The following WWOX variants were observed in gnomAD, a reference collection of about 807,000 sequenced individuals.
WWOX encodes WW domain containing oxidoreductase.
A neutral mutation model predicts 46.2 loss-of-function variants in WWOX; 69 were observed. The ratio of observed to expected loss-of-function variants is 1.49; its 90% CI spans 1.23 to 1.82. The LOEUF (loss-of-function observed/expected upper bound fraction) is 1.82, where lower values mean the gene tolerates loss of function less well. Among genes scored for constraint, WWOX ranks in the 40% most tolerant of loss-of-function variants. WWOX has a pLI of 0.00. For missense variants in WWOX, 919 were observed against 542.6 expected (o/e 1.69, Z -6.89); for synonymous variants, 359 against 202.6 (o/e 1.77, Z -6.56).
chr16:78,852,769 G>A (rs1470133347), intron 8 of WWOX, among the ~76,000 whole-genome samples: 2 of 152,206 alleles, frequency 1.3e-5, no homozygotes, highest in Non-Finnish European at 2.9e-5. Context: ...AATTAAAATG[G>A]AAGAAAATGT....
chr16:79,166,220 G>A (rs770564711), intron 8 of WWOX, among the ~76,000 whole-genome samples: 1 of 152,118 alleles, frequency 6.6e-6, no homozygotes, highest in Non-Finnish European at 1.5e-5. Context: ...ACTTCTGGAG[G>A]CAGAGCACTG....
At chr16:78,563,531 TTC>T (rs1567647029) in intron 8 of WWOX, among the ~76,000 whole-genome samples, 1 of 150,460 alleles carries the variant, frequency 6.6e-6, no homozygotes, top group Non-Finnish European at 1.5e-5. Context: ...TTTTTTTTTT[TTC>T]TTTTTTTTTT....
At chr16:79,166,038 G>T (rs777868018) in intron 8 of WWOX, among the ~76,000 whole-genome samples, 7 of 152,208 alleles carry the variant, frequency 4.6e-5, no homozygotes, top group Non-Finnish European at 8.8e-5. Context: ...CAGGTACAGT[G>T]ATCTCCTTTA....
chr16:78,586,157 G>C (rs2045201950), intron 8 of WWOX, among the ~76,000 whole-genome samples: 1 of 152,102 alleles, frequency 6.6e-6, no homozygotes, highest in South Asian at 2.1e-4. Flanking sequence ...CGGAGTTCAA[G>C]ACTAGCCTGG....
chr16:78,502,970 G>A (rs867241667), intron 8 of WWOX, among the ~76,000 whole-genome samples: 2 of 152,212 alleles, frequency 1.3e-5, no homozygotes, highest in African/African-American at 2.4e-5. Context: ...GGAAGGTGCT[G>A]CGATCTTTGA....
At chr16:78,619,190 T>A (rs1187394295) in intron 8 of WWOX, among the ~76,000 whole-genome samples, 1,005 of 27,508 alleles carry the variant, frequency 0.037, 314 homozygotes, top group African/African-American at 0.064. Context: ...TATATATATA[T>A]ATATATATAT....
intron 5 of WWOX, among the ~76,000 whole-genome samples, chr16:78,331,439 C>T (rs909459897): frequency 6.6e-6 from 1 of 152,176 alleles, no homozygotes; most frequent in East Asian, 1.9e-4. Context: ...ATGACAGTGT[C>T]TTATTTTCCA....
intron 4 of WWOX, among the ~76,000 whole-genome samples, chr16:78,125,028 T>C (rs1313852422): frequency 6.6e-6 from 1 of 152,238 alleles, no homozygotes; most frequent in African/African-American, 2.4e-5. Flanking sequence ...AAATTTCTTC[T>C]GTAGTTGCAC....
At chr16:79,132,261 C>T (rs1200245440) in intron 8 of WWOX, among the ~76,000 whole-genome samples, 4 of 152,010 alleles carry the variant, frequency 2.6e-5, no homozygotes, top group Non-Finnish European at 4.4e-5. Flanking sequence ...TTACATTTTA[C>T]ATAAAAAGGC....
intron 8 of WWOX, among the ~76,000 whole-genome samples, chr16:78,968,156 G>C (rs964535700): frequency 6.6e-6 from 1 of 150,796 alleles, no homozygotes; most frequent in Non-Finnish European, 1.5e-5. Flanking sequence ...CGCGTGGTCC[G>C]CGTGGCACAG....
At chr16:78,731,026 A>G (rs1193989095) in intron 8 of WWOX, among the ~76,000 whole-genome samples, 1 of 152,188 alleles carries the variant, frequency 6.6e-6, no homozygotes, top group African/African-American at 2.4e-5. Flanking sequence ...ATGTTACCGT[A>G]CTATCCAACA....
At chr16:78,465,173 T>G (rs1439269132) in intron 8 of WWOX, among the ~76,000 whole-genome samples, 1 of 152,218 alleles carries the variant, frequency 6.6e-6, no homozygotes, top group Non-Finnish European at 1.5e-5. Context: ...GGAACTACAG[T>G]TCAAGATGAG....
At chr16:78,797,664 A>G (rs1267266364) in intron 8 of WWOX, among the ~76,000 whole-genome samples, 2 of 152,154 alleles carry the variant, frequency 1.3e-5, no homozygotes, top group African/African-American at 4.8e-5. Context: ...GATAAGTAGC[A>G]AACAATATCC....
chr16:79,097,322 A>G (rs190265531), intron 8 of WWOX, among the ~76,000 whole-genome samples: 74 of 149,908 alleles, frequency 4.9e-4, no homozygotes, highest in South Asian at 8.5e-4. Context: ...ATCCAGCAGG[A>G]TGCATATTTG....
At chr16:78,745,085 G>A (rs949468797) in intron 8 of WWOX, among the ~76,000 whole-genome samples, 7 of 151,988 alleles carry the variant, frequency 4.6e-5, no homozygotes, top group Non-Finnish European at 7.4e-5. Flanking sequence ...GAGATCTCAA[G>A]AGGTAAAAAA....
At chr16:78,303,039 C>T (rs1012788126) in intron 5 of WWOX, among the ~76,000 whole-genome samples, 14 of 152,298 alleles carry the variant, frequency 9.2e-5, no homozygotes, top group African/African-American at 2.6e-4. Flanking sequence ...GATAGATGCT[C>T]TTATTGGAAC....
chr16:79,209,021 T>C (rs1288760468), intron 8 of WWOX, among the ~76,000 whole-genome samples: 1 of 152,216 alleles, frequency 6.6e-6, no homozygotes, highest in Non-Finnish European at 1.5e-5. Flanking sequence ...TCGTCTTTGC[T>C]TTCGGGTGCC....
intron 8 of WWOX, among the ~76,000 whole-genome samples, chr16:78,751,994 C>A (rs1392549007): frequency 4.4e-5 from 5 of 114,030 alleles, no homozygotes; most frequent in Admixed American, 8.4e-5. Flanking sequence ...AGAGAATTGG[C>A]ATTTTTCTTT....
At chr16:78,802,943 C>CAAAAAAAAAAA (rs1044478788) in intron 8 of WWOX, among the ~76,000 whole-genome samples, 2 of 40,842 alleles carry the variant, frequency 4.9e-5, no homozygotes, top group African/African-American at 9.7e-5. Context: ...AAAAAAAAAA[C>CAAAAAAAAAAA]AACAAACAGA....
Sources: gnomAD v4.1 joint callset for allele counts (sites outside exome capture counted in the v4.1 genomes callset) on GRCh38, gnomAD v4.1.1 for gene constraint, MANE v1.5 for transcripts, NCBI Gene and HGNC (gene_info 2026-07-23, HGNC 2026-07-21) for gene names.